Variants in DPH6 observed in about 807,000 individuals in gnomAD.
DPH6 encodes diphthamine biosynthesis 6, also known as diphthine--ammonia ligase.
DPH6 carries 33 observed loss-of-function variants against 38.2 expected under a neutral mutation model. The ratio of observed to expected loss-of-function variants is 0.86; its 90% confidence interval spans 0.65 to 1.15. DPH6 has a LOEUF of 1.15. Among genes scored for constraint, DPH6 ranks in the 50% most tolerant of loss-of-function variants. DPH6 has a pLI of 0.00. For synonymous variants in DPH6, 108 were observed against 103.0 expected, an observed-to-expected ratio of 1.05 and a Z score of -0.30; for missense variants, 325 against 320.0, an observed-to-expected ratio of 1.02 and a Z score of -0.12.
chr15:35,170,021 A>G, the DPH6 span, among the ~76,000 whole-genome samples: 1 of 152,346 alleles, frequency 6.6e-6, no homozygotes, highest in African/African-American at 2.4e-5. Flanking sequence ...CTGACATACA[A>G]CTGCATTTTA....
At chr15:35,270,122 T>G (rs2051813332) in intron 3 of DPH6, among the ~76,000 whole-genome samples, 1 of 152,174 alleles carries the variant, frequency 6.6e-6, no homozygotes. Flanking sequence ...GTTTCTAAAC[T>G]CTGAACATTA....
chr15:35,323,557 C>T (rs1191145685), intron 3 of DPH6, among the ~76,000 whole-genome samples: 3 of 152,136 alleles, frequency 2.0e-5, no homozygotes, highest in African/African-American at 7.2e-5. Context: ...GCCAGCCGAC[C>T]TCTTTAGTTA....
intron 6 of DPH6, among the ~76,000 whole-genome samples, chr15:35,388,957 C>T (rs1206804760): frequency 6.6e-6 from 1 of 152,000 alleles, no homozygotes; most frequent in Non-Finnish European, 1.5e-5. Context: ...TAGATCTTTC[C>T]TGCTTTCTCT....
intron 3 of DPH6, among the ~76,000 whole-genome samples, chr15:35,312,723 C>A (rs932555715): frequency 2.0e-5 from 3 of 152,272 alleles, no homozygotes; most frequent in African/African-American, 7.2e-5. Flanking sequence ...AACTCTATTT[C>A]CTTCTTTTGC....
At chr15:35,485,410 C>T (rs1459889234) in intron 3 of DPH6, among the ~76,000 whole-genome samples, 1 of 152,172 alleles carries the variant, frequency 6.6e-6, no homozygotes, top group East Asian at 1.9e-4. Flanking sequence ...ACTCACTTTC[C>T]TTTGCCAAGA....
intron 3 of DPH6, among the ~76,000 whole-genome samples, chr15:35,262,032 T>G (rs1486046108): frequency 6.6e-6 from 1 of 152,198 alleles, no homozygotes; most frequent in Non-Finnish European, 1.5e-5. Context: ...TGACAACTAC[T>G]GTGTATGGTC....
chr15:35,203,594 T>C, the DPH6 span, among the ~76,000 whole-genome samples: 1 of 151,680 alleles, frequency 6.6e-6, no homozygotes. Context: ...AAACAATATA[T>C]AGCTACCAAA....
At chr15:35,387,917 T>G (rs1159487361) in intron 6 of DPH6, among the ~76,000 whole-genome samples, 2 of 152,178 alleles carry the variant, frequency 1.3e-5, no homozygotes, top group Non-Finnish European at 2.9e-5. Context: ...CCCTGTCTTG[T>G]GCCAGTTTTC....
chr15:35,450,005 C>T (rs570688601), intron 5 of DPH6, among the ~76,000 whole-genome samples: 35 of 152,072 alleles, frequency 2.3e-4, no homozygotes, highest in African/African-American at 6.7e-4. Flanking sequence ...AACAGGTTCA[C>T]GAAATGAACA....
rs1555390826 is a variant in DPH6, at chr15:35,279,068, A to AAAATAT, written n.201-58487_201-58486insATATTT. Among the ~76,000 whole-genome samples the AAAATAT allele has an allele frequency of 3.6e-4, 37 of 102,954 alleles. No homozygotes were observed. The East Asian group carries it at 7.1e-3, about 20-fold the overall frequency. 67.5% of individuals were successfully genotyped at this position (102,954 alleles called of 152,430 possible). On this transcript the variant is annotated intron_variant and non_coding_transcript_variant, in intron 3 of 3. Transcript: ENST00000560386. ...TGTCTCAAAAAAAAAAAAAAAAAAA[A>AAAATAT]ATATATATATATATATAATTTTGGA...
At chr15:35,209,660 T>G in the DPH6 span, among the ~76,000 whole-genome samples, 2 of 152,198 alleles carry the variant, frequency 1.3e-5, no homozygotes, top group Admixed American at 1.3e-4. Flanking sequence ...TCTAAAAACT[T>G]TAAGCTTCTT....
At position 35,240,268 on chromosome 15, in the gene DPH6, A is replaced by T. The variant is rs1044589430; in HGVS notation, n.201-19686T>A. Among the ~76,000 whole-genome samples the T allele has an allele frequency of 1.3e-4, 18 of 143,274 alleles. 1 individual carries two copies. Among genetic ancestry groups the T allele is most frequent in the Non-Finnish European group, 2.6e-4 (17 of 65,350 alleles). 94.0% of individuals were successfully genotyped at this position (143,274 alleles called of 152,430 possible). On this transcript the variant is annotated intron_variant and non_coding_transcript_variant, in intron 3 of 3. Transcript: ENST00000560386. ...ATAATTCTTGTCCTAAAATGGGCAAATGGTCTGAGGTGCCTGACGTCCAGG... is the reference window on the plus strand; with the variant it reads ...ATAATTCTTGTCCTAAAATGGGCAATTGGTCTGAGGTGCCTGACGTCCAGG...
At chr15:35,361,059 G>A (rs2052610095) in intron 3 of DPH6, among the ~76,000 whole-genome samples, 1 of 152,156 alleles carries the variant, frequency 6.6e-6, no homozygotes, top group Non-Finnish European at 1.5e-5. Context: ...CCTCCCATGT[G>A]CCCTGACAAA....
chr15:35,496,567 A>AAAAAAAAAAAAAT, intron 3 of DPH6, among the ~76,000 whole-genome samples: 1 of 31,016 alleles, frequency 3.2e-5, no homozygotes, highest in African/African-American at 1.4e-4. Flanking sequence ...AAAAAAAAAA[A>AAAAAAAAAAAAAT]ATATATATAT....
At chr15:35,417,895 T>C (rs1489223612) in intron 5 of DPH6, among the ~76,000 whole-genome samples, 1 of 152,038 alleles carries the variant, frequency 6.6e-6, no homozygotes, top group African/African-American at 2.4e-5. Flanking sequence ...ATCTTTGTAA[T>C]ATCATCATTC....
At chr15:35,450,846 G>A in intron 4 of DPH6, 43 bp from the exon 5 acceptor site, 1 of 1,450,702 alleles carries the variant, frequency 6.9e-7, no homozygotes, top group Non-Finnish European at 9.5e-7. Flanking sequence ...ATCTCTTAAT[G>A]TTTTATACTT....
rs150350270 is a variant in DPH6 at position 35,445,127 on chromosome 15, G to A, written c.505+5558C>T. Among the ~76,000 whole-genome samples the A allele has an allele frequency of 1.3e-3, 194 of 152,250 alleles. 3 individuals carry two copies. In the East Asian group the frequency reaches 0.033, roughly 26 times the overall value. On this transcript the variant is annotated intron_variant, in intron 5 of 8. Transcript: ENST00000256538. Reference sequence around the variant, plus strand: ...GCATAACTCCAGAGAGGAGTTGTTAGTAACATTTATTCATTACATTACATC... The same window carrying A: ...GCATAACTCCAGAGAGGAGTTGTTAATAACATTTATTCATTACATTACATC...
chr15:35,185,431 A>C, the DPH6 span, among the ~76,000 whole-genome samples: 1 of 152,166 alleles, frequency 6.6e-6, no homozygotes, highest in Non-Finnish European at 1.5e-5. Flanking sequence ...AGTGCTTTAG[A>C]TTACTATTGA....
intron 5 of DPH6, among the ~76,000 whole-genome samples, chr15:35,439,867 A>C (rs2141054773): frequency 6.6e-6 from 1 of 152,338 alleles, no homozygotes; most frequent in Non-Finnish European, 1.5e-5. Context: ...TGTAGAAATA[A>C]TTATTCTTTG....
Sources: gnomAD v4.1 joint callset for allele counts (sites outside exome capture counted in the v4.1 genomes callset) on GRCh38, gnomAD v4.1.1 for gene constraint, MANE v1.5 for transcripts, NCBI Gene and HGNC (gene_info 2026-07-23, HGNC 2026-07-21) for gene names.